Variants in SLC4A8 observed in about 807,000 individuals in gnomAD.
SLC4A8 encodes the protein electroneutral sodium bicarbonate exchanger 1.
SLC4A8 carries 40 observed loss-of-function variants against 125.0 expected under a neutral mutation model. The observed-to-expected ratio is 0.32, with a 90% confidence interval of 0.25 to 0.42. The LOEUF is 0.42. SLC4A8 is among the 10% of genes least tolerant of loss of function. The probability of loss-of-function intolerance (pLI) is 1.00; values close to 1 mark genes in which losing one functional copy is unlikely to be tolerated. For synonymous variants in SLC4A8, 456 were observed against 476.0 expected (o/e 0.96, Z 0.55); for missense variants, 863 against 1,355.1 (o/e 0.64, Z 5.70).
chr12:51,506,406 T>G (rs530574754), intron 24 of SLC4A8, among the ~76,000 whole-genome samples: 1 of 152,308 alleles, frequency 6.6e-6, no homozygotes, highest in Admixed American at 6.5e-5. Flanking sequence ...ACTGGTTTTT[T>G]TTTTCTTTCT....
At chr12:51,395,147 A>G (rs1157803366) in intron 1 of SLC4A8, among the ~76,000 whole-genome samples, 1 of 152,236 alleles carries the variant, frequency 6.6e-6, no homozygotes, top group Non-Finnish European at 1.5e-5. Context: ...AGGCACTATG[A>G]AAATGTATAC....
chr12:51,514,611 C>T lies in SLC4A8; in HGVS notation c.*7173C>T, dbSNP rs1260498466. 2.0e-5 allele frequency: 3 copies of T among 152,170 alleles called. No homozygotes were observed. The highest frequency in any genetic ancestry group is 2.9e-5 in the Non-Finnish European group (2 of 68,030). The allele number at this position is 152,170 out of a possible 1,614,324, so 9.4% of individuals were successfully genotyped here. On this transcript the variant is annotated 3_prime_UTR_variant, in exon 25 of 25. Transcript: ENST00000453097. Reference sequence around the variant, plus strand: ...TTTAGGGTGAGGGACTAAGAATTCTCAAGCCTTCAGTTTCATCCATATTTC... The same window carrying T: ...TTTAGGGTGAGGGACTAAGAATTCTTAAGCCTTCAGTTTCATCCATATTTC...
chr12:51,476,912 T>C (rs1402958543), intron 16 of SLC4A8, among the ~76,000 whole-genome samples: 12 of 150,090 alleles, frequency 8.0e-5, no homozygotes, highest in South Asian at 4.2e-4. Flanking sequence ...TTTTCTTTTT[T>C]TTTTTTTTTT....
In SLC4A8 at chr12:51,474,435, C is replaced by A; in HGVS notation, c.1998C>A (p.Asn666Lys). ...NIVTAEVHWA[N>K]LTVSECQEMH... ...TGACAGCAGAAGTCCACTGGGCTAA[C>A]CTGACTGTCAGTGTAAGTCTGGGAG... is the stretch of plus-strand genomic sequence containing the variant. The change falls in exon 15 of 25, where the codon AAC becomes AAA. Residue 666 changes from asparagine to lysine, a missense_variant. By Grantham distance (94) the Asn-to-Lys change is moderately conservative. Transcript: ENST00000453097. 1.2e-6 allele frequency: 2 copies of A among 1,613,514 alleles called. No homozygotes were observed. Among genetic ancestry groups the A allele is most frequent in the Non-Finnish European group, 1.7e-6 (2 of 1,179,534 alleles).
At chr12:51,436,928 A>T (rs1393390905) in intron 1 of SLC4A8, among the ~76,000 whole-genome samples, 1 of 152,176 alleles carries the variant, frequency 6.6e-6, no homozygotes, top group Non-Finnish European at 1.5e-5. Flanking sequence ...CAGTCATCCT[A>T]TTTGTTTTAA....
rs76297511 is a variant in SLC4A8, at chr12:51,489,006, T to G, written c.2448+146T>G. On this transcript the variant is annotated intron_variant, in intron 18 of 24. Coordinates refer to ENST00000453097, the MANE Select transcript of SLC4A8 (RefSeq NM_001039960.3). ...TTTCCATTCTTTAATAACAAAGATT[T>G]CTTTGGAGATTAGAGTGGAACATGG... 3,031 of 642,198 alleles carry G rather than the reference T, an allele frequency of 4.7e-3. 67 individuals are homozygous for G. The African/African-American group carries it at 0.049, about 10-fold the overall frequency. 39.8% of individuals were successfully genotyped at this position (642,198 alleles called of 1,614,324 possible).
intron 5 of SLC4A8, among the ~76,000 whole-genome samples, chr12:51,454,311 A>C (rs1232039562): frequency 1.3e-5 from 2 of 152,166 alleles, no homozygotes; most frequent in East Asian, 3.9e-4. Flanking sequence ...GCCCCTACAC[A>C]CCTGTGGGTG....
chr12:51,447,236 C>A (rs546944620), intron 2 of SLC4A8, among the ~76,000 whole-genome samples: 2 of 152,122 alleles, frequency 1.3e-5, no homozygotes, highest in African/African-American at 4.8e-5. Flanking sequence ...GTGCACACCA[C>A]CACACCTGTC....
At chr12:51,408,258 C>T (rs1200008984) in intron 1 of SLC4A8, among the ~76,000 whole-genome samples, 1 of 152,132 alleles carries the variant, frequency 6.6e-6, no homozygotes, top group Non-Finnish European at 1.5e-5. Flanking sequence ...GAGGCAGAGT[C>T]TCACTCTGTC....
intron 1 of SLC4A8, among the ~76,000 whole-genome samples, chr12:51,440,014 C>T (rs780770737): frequency 1.3e-5 from 2 of 152,088 alleles, no homozygotes; most frequent in Non-Finnish European, 2.9e-5. Flanking sequence ...GAGTAGAGAG[C>T]TCTTTCTTGG....
At chr12:51,447,068 G>GTCTATCTA (rs71089801) in intron 2 of SLC4A8, among the ~76,000 whole-genome samples, 17 of 149,512 alleles carry the variant, frequency 1.1e-4, no homozygotes, top group East Asian at 4.0e-4. Context: ...CTATCTATCT[G>GTCTATCTA]TCTATCTATC....
chr12:51,418,235 G>A (rs1948724176), intron 1 of SLC4A8, among the ~76,000 whole-genome samples: 1 of 152,176 alleles, frequency 6.6e-6, no homozygotes, highest in Non-Finnish European at 1.5e-5. Context: ...GGGGCTGCCA[G>A]CCTCATTCGA....
intron 11 of SLC4A8, 120 bp downstream of exon 11, chr12:51,463,834 G>T: frequency 3.1e-6 from 2 of 650,164 alleles, no homozygotes; most frequent in South Asian, 2.1e-5. Context: ...GCTGAAGAAT[G>T]ACTTTTCAAA....
chr12:51,484,519 T>A (rs908193158), intron 16 of SLC4A8, among the ~76,000 whole-genome samples: 6 of 152,144 alleles, frequency 3.9e-5, no homozygotes, highest in Admixed American at 3.9e-4. Flanking sequence ...AGGCAGTGGA[T>A]ACTCAGAGAA....
At chr12:51,463,552 G>A in intron 10 of SLC4A8, 62 bp from the exon 11 acceptor site, 1 of 1,316,260 alleles carries the variant, frequency 7.6e-7, no homozygotes, top group Middle Eastern at 1.9e-4. Context: ...CCCACTCCCT[G>A]CTGATAGCAG....
At position 51,489,764 on chromosome 12, in the gene SLC4A8, T is replaced by C; in HGVS notation, c.2513T>C (p.Met838Thr). 1 of 1,614,222 alleles carries C rather than the reference T, an allele frequency of 6.2e-7. No homozygotes were observed. The highest frequency in any genetic ancestry group is 8.5e-7 in the Non-Finnish European group (1 of 1,180,034). ...VAIMLGVCSI[M>T]GLPWFVAATV... The stretch of plus-strand genomic sequence containing the variant: ...ATCATGCTGGGTGTCTGCTCCATCA[T>C]GGGCCTGCCCTGGTTTGTAGCTGCA... The change falls in exon 19 of 25, where the codon ATG (methionine) becomes ACG (threonine). Residue 838 changes from methionine to threonine, a missense_variant. Around this residue, in one of 6 missense-constraint regions of SLC4A8, gnomAD observed 197 missense variants for 377.7 expected, o/e 0.52. Coordinates refer to ENST00000453097, the MANE Select transcript of SLC4A8 (RefSeq NM_001039960.3).
chr12:51,469,560 A>G (rs537931324), intron 11 of SLC4A8, 54 bp from the exon 12 acceptor site: 9 of 1,521,342 alleles, frequency 5.9e-6, no homozygotes, highest in Middle Eastern at 2.3e-4. Flanking sequence ...TGCTGTTTAC[A>G]TGCTTTTAGG....
chr12:51,394,731 C>T (rs887943660), intron 1 of SLC4A8, among the ~76,000 whole-genome samples: 9 of 152,158 alleles, frequency 5.9e-5, no homozygotes, highest in African/African-American at 1.9e-4. Flanking sequence ...AACTACCTAG[C>T]GGGTATTATG....
At chr12:51,442,461 T>C (rs988059891) in intron 2 of SLC4A8, among the ~76,000 whole-genome samples, 1 of 152,180 alleles carries the variant, frequency 6.6e-6, no homozygotes, top group East Asian at 1.9e-4. Context: ...CTGAGCAAGC[T>C]CTCTTGAATC....
Sources: gnomAD v4.1 joint callset for allele counts (sites outside exome capture counted in the v4.1 genomes callset) on GRCh38, gnomAD v4.1.1 for gene constraint, gnomAD v4.1.1 regional missense constraint, MANE v1.5 for transcripts, NCBI Gene and HGNC (gene_info 2026-07-23, HGNC 2026-07-21) for gene names.